Variants in ADGRL2 observed in about 807,000 individuals in gnomAD.
The protein encoded by ADGRL2 is adhesion G protein-coupled receptor L2.
Under a neutral mutation model 157.4 loss-of-function variants are expected in ADGRL2, and 44 were observed. The observed-to-expected ratio is 0.28, with a 90% CI of 0.22 to 0.36. ADGRL2 has a LOEUF of 0.36. ADGRL2 is among the 10% of genes least tolerant of loss of function. The pLI is 1.00. For synonymous variants in ADGRL2, 585 were observed against 624.7 expected, an observed-to-expected ratio of 0.94 and a Z score of 0.95; for missense variants, 1,510 against 1,768.9, an observed-to-expected ratio of 0.85 and a Z score of 2.63.
chr1:81,510,643 T>A (rs923045074), intron 2 of ADGRL2, among the ~76,000 whole-genome samples: 2 of 152,176 alleles, frequency 1.3e-5, no homozygotes, highest in Non-Finnish European at 2.9e-5. Flanking sequence ...TAGACATAGA[T>A]TATAGTTACA....
At chr1:81,885,491 T>G (rs938600747) in intron 2 of ADGRL2, among the ~76,000 whole-genome samples, 1 of 152,198 alleles carries the variant, frequency 6.6e-6, no homozygotes, top group African/African-American at 2.4e-5. Context: ...AAGAATATAC[T>G]ACTGCTTACT....
intron 2 of ADGRL2, among the ~76,000 whole-genome samples, chr1:81,899,842 C>G (rs763591751): frequency 1.3e-5 from 2 of 152,096 alleles, no homozygotes; most frequent in Non-Finnish European, 2.9e-5. Flanking sequence ...CAAGCCATTT[C>G]CCTGACCATC....
At chr1:81,609,715 T>G (rs1259993092) in intron 3 of ADGRL2, among the ~76,000 whole-genome samples, 1 of 152,176 alleles carries the variant, frequency 6.6e-6, no homozygotes, top group Non-Finnish European at 1.5e-5. Context: ...CCACCCTCAC[T>G]GTCAACATCA....
intron 2 of ADGRL2, among the ~76,000 whole-genome samples, chr1:81,856,421 T>A (rs1000375158): frequency 1.3e-5 from 2 of 152,132 alleles, no homozygotes; most frequent in African/African-American, 4.8e-5. Flanking sequence ...ACAGCCTACA[T>A]TGGTCTGAGG....
intron 1 of ADGRL2, among the ~76,000 whole-genome samples, chr1:81,323,432 T>TTTTTG: frequency 9.3e-6 from 1 of 108,076 alleles, no homozygotes; most frequent in Non-Finnish European, 2.0e-5. Flanking sequence ...TTTTTTTTTT[T>TTTTTG]GTAGAGAATA....
intron 1 of ADGRL2, among the ~76,000 whole-genome samples, chr1:81,375,406 G>GC (rs1399465299): frequency 5.9e-5 from 9 of 152,164 alleles, no homozygotes; most frequent in Non-Finnish European, 1.2e-4. Context: ...ATAGCAAACA[G>GC]CAGCAAGATG....
chr1:81,733,056 C>G (rs1355916048), intron 1 of ADGRL2, among the ~76,000 whole-genome samples: 1 of 152,122 alleles, frequency 6.6e-6, no homozygotes, highest in Non-Finnish European at 1.5e-5. Flanking sequence ...ACTATATTCA[C>G]TATAATTTAC....
At chr1:81,990,154 C>G in intron 23 of ADGRL2, 1 of 985,306 alleles carries the variant, frequency 1.0e-6, no homozygotes, top group Non-Finnish European at 1.2e-6. Context: ...TAAAGTATTA[C>G]TCTGTATGCC....
chr1:81,393,336 A>C (rs981902946), intron 1 of ADGRL2, among the ~76,000 whole-genome samples: 1 of 147,374 alleles, frequency 6.8e-6, no homozygotes, highest in Non-Finnish European at 1.5e-5. Flanking sequence ...CAGATAACAC[A>C]CAAAACTCCA....
At chr1:81,932,867 A>G (rs1467513289) in intron 3 of ADGRL2, among the ~76,000 whole-genome samples, 2 of 151,846 alleles carry the variant, frequency 1.3e-5, no homozygotes, top group Non-Finnish European at 2.9e-5. Flanking sequence ...CTGCGTGGCT[A>G]ATTTTTGTAT....
At chr1:81,460,237 A>G (rs1343352050) in intron 2 of ADGRL2, among the ~76,000 whole-genome samples, 2 of 151,580 alleles carry the variant, frequency 1.3e-5, no homozygotes, top group Non-Finnish European at 2.9e-5. Context: ...TTTGTCATGT[A>G]AATTTTTATA....
At chr1:81,472,613 G>C (rs1267635270) in intron 2 of ADGRL2, among the ~76,000 whole-genome samples, 5 of 151,992 alleles carry the variant, frequency 3.3e-5, no homozygotes. Flanking sequence ...TCCAGCCTGG[G>C]CGACAGAGCA....
At chr1:81,893,130 GGC>G (rs1394822986) in intron 2 of ADGRL2, among the ~76,000 whole-genome samples, 1 of 152,126 alleles carries the variant, frequency 6.6e-6, no homozygotes, top group East Asian at 1.9e-4. Flanking sequence ...CATGGAGATA[GGC>G]ACAGTGCATA....
intron 3 of ADGRL2, among the ~76,000 whole-genome samples, chr1:81,922,507 C>T (rs1013499377): frequency 6.6e-5 from 10 of 151,950 alleles, no homozygotes; most frequent in African/African-American, 1.2e-4. Flanking sequence ...ATATTAACTC[C>T]GAAACAGTAA....
Position 81,984,588 on chromosome 1 carries a change from A to T in ADGRL2, c.3288A>T (p.Arg1096=), listed in dbSNP as rs1662622572. ...CTTGTGATTATTCAATGCAGGTACGAAAAGAATATGGCAAGTGCTTCAGAC... is the reference window on the plus strand; with the variant it reads ...CTTGTGATTATTCAATGCAGGTACGTAAAGAATATGGCAAGTGCTTCAGAC... The part of the protein sequence containing the change: ...IFHCALQKKV[R]KEYGKCFRHS... The change falls in exon 20 of 24, where the codon CGA becomes CGT. Residue 1096 remains arginine (R), a synonymous_variant. Coordinates refer to ENST00000686636, the MANE Select transcript of ADGRL2 (RefSeq NM_001366006.2). 6 of 1,604,212 alleles carry T rather than the reference A, an allele frequency of 3.7e-6. No individual in the cohort carries two copies. Among genetic ancestry groups the T allele is most frequent in the South Asian group, 1.1e-5 (1 of 90,164 alleles).
chr1:81,620,214 G>T (rs781122126), intron 3 of ADGRL2, among the ~76,000 whole-genome samples: 1 of 152,086 alleles, frequency 6.6e-6, no homozygotes, highest in Non-Finnish European at 1.5e-5. Context: ...CAATACATAG[G>T]CAATACTGGT....
At chr1:81,451,954 T>A (rs2077710786) in intron 2 of ADGRL2, among the ~76,000 whole-genome samples, 1 of 152,208 alleles carries the variant, frequency 6.6e-6, no homozygotes, top group South Asian at 2.1e-4. Flanking sequence ...TGTATCCATA[T>A]AATGTAGTGT....
intron 2 of ADGRL2, among the ~76,000 whole-genome samples, chr1:81,883,338 C>T (rs1267202153): frequency 7.9e-5 from 12 of 152,090 alleles, no homozygotes; most frequent in East Asian, 1.9e-4. Context: ...TAGCATTCAG[C>T]GTAAATGTCA....
intron 2 of ADGRL2, among the ~76,000 whole-genome samples, chr1:81,578,700 G>A (rs937557315): frequency 2.6e-5 from 4 of 152,052 alleles, no homozygotes; most frequent in Non-Finnish European, 5.9e-5. Context: ...TTTCAAACCA[G>A]TGAAAACAAC....
Sources: allele counts gnomAD v4.1 joint callset (sites outside exome capture counted in the v4.1 genomes callset), GRCh38; gene constraint gnomAD v4.1.1; transcripts MANE v1.5; gene names NCBI Gene and HGNC (gene_info 2026-07-23, HGNC 2026-07-21).